Variants in CMSS1 observed in about 807,000 individuals in gnomAD.
CMSS1 encodes protein CMSS1.
Under a neutral mutation model 43.5 loss-of-function variants are expected in CMSS1, and 33 were observed. That is an observed-to-expected ratio of 0.76 (90% confidence interval 0.57 to 1.01). The LOEUF (loss-of-function observed/expected upper bound fraction) is 1.01. Ranked by LOEUF, CMSS1 falls within the 50% of genes least tolerant of loss-of-function variation. The pLI is 0.00. For missense variants in CMSS1, 313 were observed against 326.4 expected, an observed-to-expected ratio of 0.96 and a Z score of 0.32; for synonymous variants, 115 against 117.2, an observed-to-expected ratio of 0.98 and a Z score of 0.12.
At chr3:99,842,760 T>G (rs1159849253) in intron 1 of CMSS1, among the ~76,000 whole-genome samples, 1 of 152,260 alleles carries the variant, frequency 6.6e-6, no homozygotes, top group Non-Finnish European at 1.5e-5. Context: ...CCTGAATACA[T>G]TTTTATGGTG....
chr3:100,025,794 C>G (rs1040068642), intron 1 of CMSS1, among the ~76,000 whole-genome samples: 3 of 152,126 alleles, frequency 2.0e-5, no homozygotes, highest in Admixed American at 1.3e-4. Context: ...GTTTGAGAAG[C>G]TCTGCTGTAG....
chr3:99,882,280 T>C (rs6762809), intron 1 of CMSS1, among the ~76,000 whole-genome samples: 1,760 of 152,326 alleles, frequency 0.012, 18 homozygotes, highest in African/African-American at 0.026. Flanking sequence ...TTTATGTAGT[T>C]AATTGCTTGA....
At chr3:100,145,254 A>C (rs778926512) in intron 1 of CMSS1, among the ~76,000 whole-genome samples, 2 of 152,088 alleles carry the variant, frequency 1.3e-5, no homozygotes, top group East Asian at 3.9e-4. Flanking sequence ...CAGCCTGGCT[A>C]ACATGGCGAA....
chr3:99,899,814 C>A (rs1333931663), intron 1 of CMSS1, among the ~76,000 whole-genome samples: 1 of 152,088 alleles, frequency 6.6e-6, no homozygotes, highest in African/African-American at 2.4e-5. Context: ...TCTGTGCCAC[C>A]GTTTTCTCAT....
intron 1 of CMSS1, among the ~76,000 whole-genome samples, chr3:100,126,723 A>G (rs991107065): frequency 3.9e-5 from 6 of 152,124 alleles, no homozygotes; most frequent in Admixed American, 6.5e-5. Context: ...TTGGGGCTGG[A>G]TGCGGTGGCT....
chr3:100,048,771 A>G (rs1462470294), intron 1 of CMSS1, among the ~76,000 whole-genome samples: 1 of 152,176 alleles, frequency 6.6e-6, no homozygotes, highest in East Asian at 1.9e-4. Context: ...AGATTTTCCT[A>G]ACTAGCCCTA....
At chr3:99,835,277 G>T (rs1425772908) in intron 1 of CMSS1, among the ~76,000 whole-genome samples, 1 of 152,174 alleles carries the variant, frequency 6.6e-6, no homozygotes, top group Non-Finnish European at 1.5e-5. Context: ...ATGCTACTTT[G>T]TCTGGTCCTT....
intron 1 of CMSS1, among the ~76,000 whole-genome samples, chr3:100,005,417 G>A (rs1009159215): frequency 4.6e-5 from 7 of 152,126 alleles, no homozygotes; most frequent in Non-Finnish European, 8.8e-5. Context: ...ATCTCCTTGG[G>A]TGCTTATTAA....
chr3:99,927,836 C>T (rs1406779202), intron 1 of CMSS1, among the ~76,000 whole-genome samples: 1 of 152,130 alleles, frequency 6.6e-6, no homozygotes, highest in Non-Finnish European at 1.5e-5. Context: ...CACACCTCTG[C>T]TCCTAGCCCC....
chr3:100,177,776 G>T (rs1449725317), intron 9 of CMSS1, among the ~76,000 whole-genome samples: 1 of 152,138 alleles, frequency 6.6e-6, no homozygotes, highest in African/African-American at 2.4e-5. Context: ...GAAGCCAGGA[G>T]TTCGAGACCC....
At chr3:99,989,985 C>T (rs924412365) in intron 1 of CMSS1, among the ~76,000 whole-genome samples, 7 of 152,122 alleles carry the variant, frequency 4.6e-5, no homozygotes, top group African/African-American at 1.7e-4. Context: ...GCAATAATGC[C>T]AGTGGTTTAT....
intron 4 of CMSS1, among the ~76,000 whole-genome samples, chr3:100,162,907 C>T (rs538999620): frequency 1.3e-5 from 2 of 151,786 alleles, no homozygotes; most frequent in South Asian, 2.1e-4. Flanking sequence ...TCTGGGAGGC[C>T]GAGGTTACAG....
intron 1 of CMSS1, among the ~76,000 whole-genome samples, chr3:100,060,468 A>G (rs1328835160): frequency 6.6e-6 from 1 of 152,134 alleles, no homozygotes; most frequent in Non-Finnish European, 1.5e-5. Context: ...AAATGAAATC[A>G]GAGCACATTA....
chr3:99,855,818 TTTCA>T (rs1471932886), intron 1 of CMSS1, among the ~76,000 whole-genome samples: 1 of 152,250 alleles, frequency 6.6e-6, no homozygotes, highest in East Asian at 1.9e-4. Flanking sequence ...ATCTAGATTC[TTTCA>T]TTCAATGTTT....
intron 1 of CMSS1, among the ~76,000 whole-genome samples, chr3:99,926,478 G>C (rs572731394): frequency 1.3e-5 from 2 of 152,338 alleles, no homozygotes; most frequent in Admixed American, 1.3e-4. Flanking sequence ...AAACATTAGA[G>C]TCCATTGTAA....
chr3:99,940,727 C>T (rs1431567455), intron 1 of CMSS1, among the ~76,000 whole-genome samples: 1 of 152,252 alleles, frequency 6.6e-6, no homozygotes, highest in African/African-American at 2.4e-5. Context: ...TGTGAACCAT[C>T]TTCCTCACCT....
intron 1 of CMSS1, among the ~76,000 whole-genome samples, chr3:100,137,895 A>G (rs1009419472): frequency 2.0e-5 from 3 of 152,182 alleles, no homozygotes; most frequent in Middle Eastern, 3.2e-3. Context: ...ACACAAGTTT[A>G]TGACCATACG....
At chr3:100,074,866 G>A (rs2107384905) in intron 1 of CMSS1, among the ~76,000 whole-genome samples, 1 of 151,106 alleles carries the variant, frequency 6.6e-6, no homozygotes, top group Admixed American at 6.6e-5. Context: ...GCTAATTTTT[G>A]TCTTTTTAAT....
intron 1 of CMSS1, among the ~76,000 whole-genome samples, chr3:100,063,586 C>T (rs1433652597): frequency 6.6e-6 from 1 of 152,144 alleles, no homozygotes; most frequent in African/African-American, 2.4e-5. Context: ...GATCTGAATA[C>T]TTTCTCATCC....
Sources: gnomAD v4.1 joint callset for allele counts (sites outside exome capture counted in the v4.1 genomes callset) on GRCh38, gnomAD v4.1.1 for gene constraint, MANE v1.5 for transcripts, NCBI Gene and HGNC (gene_info 2026-07-23, HGNC 2026-07-21) for gene names.